Variants in DRC1 observed in about 807,000 individuals in gnomAD.
DRC1 encodes the protein dynein regulatory complex subunit 1.
In DRC1, 74 loss-of-function variants were observed where a neutral mutation model predicts 98.7. The observed-to-expected ratio is 0.75, with a 90% CI of 0.62 to 0.91. DRC1 has a LOEUF of 0.91. DRC1 is among the 40% of genes least tolerant of loss of function. The pLI, the probability that DRC1 is intolerant of heterozygous loss-of-function variation, is 0.00. For synonymous variants in DRC1, 336 were observed against 334.1 expected (o/e 1.01, Z -0.06); for missense variants, 875 against 886.0 (o/e 0.99, Z 0.16).
intron 4 of DRC1, among the ~76,000 whole-genome samples, chr2:26,426,342 G>T (rs1663282028): frequency 6.6e-6 from 1 of 150,746 alleles, no homozygotes. Context: ...TTTAATTCCT[G>T]TTGCTCTTTG....
intron 1 of DRC1, among the ~76,000 whole-genome samples, chr2:26,410,291 T>C (rs994968074): frequency 2.0e-5 from 3 of 149,668 alleles, no homozygotes; most frequent in East Asian, 1.9e-4. Context: ...TTAATTTTGA[T>C]ACGGAGTTTC....
At chr2:26,427,660 G>C (rs1663321811) in intron 4 of DRC1, among the ~76,000 whole-genome samples, 1 of 151,768 alleles carries the variant, frequency 6.6e-6, no homozygotes, top group Admixed American at 6.6e-5. Context: ...TCAAATACTA[G>C]ATCTTATTCA....
chr2:26,427,637 C>T (rs937642406), intron 4 of DRC1, among the ~76,000 whole-genome samples: 5 of 152,226 alleles, frequency 3.3e-5, no homozygotes, highest in East Asian at 1.9e-4. Flanking sequence ...ACCTTAGTCA[C>T]GCTGTTATGC....
At position 26,429,608 on chromosome 2, in the gene DRC1, T is replaced by A; in HGVS notation, c.541-20T>A. The A allele has an allele frequency of 1.2e-6, 2 of 1,612,296 alleles. No individual in the cohort carries two copies. The highest frequency in any genetic ancestry group is 1.7e-6 in the Non-Finnish European group (2 of 1,179,152). Reference sequence around the variant, plus strand: ...CTCCTGACACAGTTTGTGGCCAGACTTTTACATGCTCTTTTCTAGGAGTTA... The same window carrying A: ...CTCCTGACACAGTTTGTGGCCAGACATTTACATGCTCTTTTCTAGGAGTTA... On this transcript the variant is annotated intron_variant, in intron 4 of 16. Coordinates refer to ENST00000288710, the MANE Select transcript of DRC1 (RefSeq NM_145038.5).
chr2:26,455,755 C>G (rs1664141672), intron 16 of DRC1, among the ~76,000 whole-genome samples: 1 of 152,248 alleles, frequency 6.6e-6, no homozygotes, highest in African/African-American at 2.4e-5. Flanking sequence ...GGAGGCTCTG[C>G]TGGGGCAGAT....
intron 1 of DRC1, 109 bp downstream of exon 1, chr2:26,402,253 G>T (rs1464713420): frequency 1.3e-5 from 18 of 1,428,894 alleles, no homozygotes; most frequent in Non-Finnish European, 1.6e-5. Context: ...CAGAGTATGG[G>T]AAAGTAAAAC....
At chr2:26,414,065 A>G (rs1053050454) in intron 1 of DRC1, among the ~76,000 whole-genome samples, 8 of 150,990 alleles carry the variant, frequency 5.3e-5, no homozygotes, top group Non-Finnish European at 1.0e-4. Flanking sequence ...GCCAATATTT[A>G]AATTTTAATC....
chr2:26,429,622 T>C lies in DRC1; in HGVS notation c.541-6T>C. 1 of 1,613,620 alleles carries C rather than the reference T, an allele frequency of 6.2e-7. No homozygotes were observed. The highest frequency in any genetic ancestry group is 8.5e-7 in the Non-Finnish European group (1 of 1,179,830). On this transcript the variant is annotated splice_polypyrimidine_tract_variant and splice_region_variant and intron_variant, in intron 4 of 16. Transcript: ENST00000288710. ...TGTGGCCAGACTTTTACATGCTCTT[T>C]TCTAGGAGTTAAAAACAAAGGATGA...
chr2:26,429,384 T>A (rs1245228947), intron 4 of DRC1, among the ~76,000 whole-genome samples: 1 of 151,754 alleles, frequency 6.6e-6, no homozygotes, highest in African/African-American at 2.4e-5. Context: ...TCTGGCTAAT[T>A]TTTATATTTT....
chr2:26,442,762 T>C (rs1292084311), intron 8 of DRC1, among the ~76,000 whole-genome samples: 3 of 152,132 alleles, frequency 2.0e-5, no homozygotes, highest in Non-Finnish European at 4.4e-5. Context: ...GCTCCCTGTT[T>C]CCAGTTCTCC....
chr2:26,416,013 T>G (rs530618809), intron 2 of DRC1, among the ~76,000 whole-genome samples: 1 of 151,692 alleles, frequency 6.6e-6, no homozygotes, highest in East Asian at 1.9e-4. Context: ...TTTTTTAAAA[T>G]GCTGATATAC....
chr2:26,455,144 C>T lies in DRC1; in HGVS notation c.2077C>T (p.Gln693Ter). The T allele has an allele frequency of 1.2e-6, 2 of 1,614,044 alleles. No homozygotes were observed. The highest frequency in any genetic ancestry group is 1.7e-6 in the Non-Finnish European group (2 of 1,180,018). ...TTCTGTCCAAAGCCTTGTCCTGACC[C>T]AGAGGGCCAAGCTGCTGCTGGAAAA... ...ALEKYHLVLT[Q>*]RAKLLLENSS... Residue 693 changes from glutamine to a stop codon, truncating the protein, a stop_gained, in exon 16 of 17, where the codon CAG becomes TAG. Coordinates refer to ENST00000288710, the MANE Select transcript of DRC1 (RefSeq NM_145038.5). LOFTEE classifies it high-confidence loss of function.
intron 16 of DRC1, among the ~76,000 whole-genome samples, chr2:26,456,198 G>A (rs1664164298): frequency 6.6e-6 from 1 of 152,208 alleles, no homozygotes; most frequent in Admixed American, 6.5e-5. Context: ...CGTGGAGAGA[G>A]GAGAGGGGAA....
At chr2:26,403,128 TA>T (rs1678305680) in intron 1 of DRC1, among the ~76,000 whole-genome samples, 1 of 152,212 alleles carries the variant, frequency 6.6e-6, no homozygotes, top group African/African-American at 2.4e-5. Context: ...TAATAAACTT[TA>T]TTTTTTAGAG....
At chr2:26,424,487 G>C in intron 4 of DRC1, 33 bp downstream of exon 4, 1 of 1,583,092 alleles carries the variant, frequency 6.3e-7, no homozygotes, top group Non-Finnish European at 8.6e-7. Flanking sequence ...CCCAGCCACA[G>C]GGGATCTGCC....
intron 4 of DRC1, among the ~76,000 whole-genome samples, chr2:26,428,995 G>A (rs1227145376): frequency 6.6e-6 from 1 of 152,044 alleles, no homozygotes; most frequent in Non-Finnish European, 1.5e-5. Flanking sequence ...GACATTAATT[G>A]CTCAGCTAGG....
intron 7 of DRC1, 35 bp from the exon 8 acceptor site, chr2:26,440,343 G>GTA (rs1396234086): frequency 1.7e-5 from 26 of 1,500,706 alleles, no homozygotes; most frequent in Middle Eastern, 1.8e-4. Context: ...GTGTGTGTGT[G>GTA]TGTATATATA....
At chr2:26,413,521 T>C (rs10185349) in intron 1 of DRC1, among the ~76,000 whole-genome samples, 4,575 of 152,310 alleles carry the variant, frequency 0.03, 203 homozygotes, top group African/African-American at 0.097. Context: ...AAATCTTTTT[T>C]AGTCTCATAA....
chr2:26,443,708 AAATGAATG>A (rs919720267), intron 8 of DRC1, among the ~76,000 whole-genome samples: 1 of 152,256 alleles, frequency 6.6e-6, no homozygotes, highest in Non-Finnish European at 1.5e-5. Context: ...ATGAGTGAAT[AAATGAATG>A]AATGAATGAG....
Sources: allele counts gnomAD v4.1 joint callset (sites outside exome capture counted in the v4.1 genomes callset), GRCh38; gene constraint gnomAD v4.1.1; transcripts MANE v1.5; gene names NCBI Gene and HGNC (gene_info 2026-07-23, HGNC 2026-07-21).